Variants in MORN3 observed in about 807,000 individuals in gnomAD.
The protein encoded by MORN3 is MORN repeat containing 3, also known as MORN repeat-containing protein 3.
Under a neutral mutation model 34.7 loss-of-function variants are expected in MORN3, and 38 were observed. The observed-to-expected ratio is 1.10, with a 90% CI of 0.85 to 1.44. The LOEUF is 1.44. MORN3 is among the 40% of genes most tolerant of loss of function. The pLI, the probability that MORN3 is intolerant of heterozygous loss-of-function variation, is 0.00. For missense variants in MORN3, 311 were observed against 321.7 expected (o/e 0.97, Z 0.25); for synonymous variants, 109 against 115.3 (o/e 0.95, Z 0.35).
intron 4 of MORN3, 61 bp from the exon 5 acceptor site, chr12:121,652,869 GAC>G: frequency 6.4e-7 from 1 of 1,574,122 alleles, no homozygotes; most frequent in Middle Eastern, 1.8e-4. Context: ...TGCCAGCCTT[GAC>G]TGGCGCTGCC....
At chr12:121,668,465 C>T (rs982470360) in intron 1 of MORN3, among the ~76,000 whole-genome samples, 9 of 152,226 alleles carry the variant, frequency 5.9e-5, no homozygotes, top group South Asian at 2.1e-4. Context: ...CGCCTGAACT[C>T]GGGAGGTAGA....
chr12:121,652,103 T>C (rs1893269415), intron 5 of MORN3, among the ~76,000 whole-genome samples: 1 of 151,290 alleles, frequency 6.6e-6, no homozygotes, highest in South Asian at 2.1e-4. Flanking sequence ...GCCCAGCTAA[T>C]TTTTGTGTTT....
At chr12:121,662,824 T>A (rs182571668) in intron 1 of MORN3, among the ~76,000 whole-genome samples, 210 of 151,214 alleles carry the variant, frequency 1.4e-3, no homozygotes, top group African/African-American at 4.8e-3. Flanking sequence ...GCAGATCACC[T>A]GAGGTCAGGA....
intron 4 of MORN3, 29 bp downstream of exon 4, chr12:121,653,046 G>T (rs369697535): frequency 1.3e-6 from 2 of 1,573,692 alleles, no homozygotes; most frequent in Non-Finnish European, 1.7e-6. Flanking sequence ...TCTGGGTGTG[G>T]CCACAGGGCC....
chr12:121,654,330 A>ATGTCGCC lies in MORN3; in HGVS notation c.400_406dup (p.Ile136ArgfsTer52), dbSNP rs781852322. On this transcript the variant is annotated frameshift_variant, in exon 3 of 6. Transcript: ENST00000355329. LOFTEE classifies it high-confidence loss of function. ...GTCGTTCTCCCACTGTCCCTCGTAGATGTCGCCGTTGCTGTAATACATGCG... is the reference window on the plus strand; with the variant it reads ...GTCGTTCTCCCACTGTCCCTCGTAGATGTCGCCTGTCGCCGTTGCTGTAATACATGCG... 1 of 1,603,060 alleles carries ATGTCGCC rather than the reference A, an allele frequency of 6.2e-7. No individual in the cohort carries two copies. Among genetic ancestry groups the ATGTCGCC allele is most frequent in the South Asian group, 1.1e-5 (1 of 88,742 alleles).
intron 3 of MORN3, among the ~76,000 whole-genome samples, chr12:121,653,475 T>C (rs910666274): frequency 6.6e-6 from 1 of 151,430 alleles, no homozygotes; most frequent in Non-Finnish European, 1.5e-5. Flanking sequence ...CATAGTGGTG[T>C]GCACCTATAG....
chr12:121,666,487 G>A (rs1156854841), intron 1 of MORN3, among the ~76,000 whole-genome samples: 1 of 152,116 alleles, frequency 6.6e-6, no homozygotes, highest in Non-Finnish European at 1.5e-5. Flanking sequence ...CTGGGCGACA[G>A]AGCACAACTC....
At chr12:121,672,187 G>A (rs547809318), upstream of MORN3, among the ~76,000 whole-genome samples, 2 of 152,066 alleles carry the variant, frequency 1.3e-5, no homozygotes, top group South Asian at 4.2e-4. Flanking sequence ...CTGGCGGCAT[G>A]GGGGCTGCCG....
At chr12:121,659,540 CT>C (rs774070915) in intron 1 of MORN3, among the ~76,000 whole-genome samples, 192 bp from the exon 2 acceptor site, 207 of 135,566 alleles carry the variant, frequency 1.5e-3, no homozygotes, top group Middle Eastern at 3.6e-3. Context: ...TTCTTTCTTT[CT>C]TTTTTTTTTT....
At chr12:121,672,052 C>T (rs1351750043), upstream of MORN3, among the ~76,000 whole-genome samples, 1 of 152,166 alleles carries the variant, frequency 6.6e-6, no homozygotes, top group Non-Finnish European at 1.5e-5. Flanking sequence ...TAAAATCACC[C>T]TCCATCCCAC....
chr12:121,668,537 G>A (rs921065133), intron 1 of MORN3, among the ~76,000 whole-genome samples: 2 of 152,150 alleles, frequency 1.3e-5, no homozygotes, highest in East Asian at 1.9e-4. Context: ...GTGAAACTCC[G>A]TCTAAAAAAA....
intron 2 of MORN3, among the ~76,000 whole-genome samples, chr12:121,658,960 G>C (rs551198216): frequency 1.8e-4 from 27 of 152,110 alleles, no homozygotes; most frequent in African/African-American, 6.3e-4. Context: ...GCAGGGTTTC[G>C]TGGGCTCCTC....
intron 1 of MORN3, among the ~76,000 whole-genome samples, chr12:121,666,109 C>A (rs1268260825): frequency 6.6e-6 from 1 of 152,058 alleles, no homozygotes; most frequent in Non-Finnish European, 1.5e-5. Context: ...GTGGGCAGAT[C>A]ACTTGAGGTC....
At chr12:121,654,524 C>A in intron 2 of MORN3, 91 bp from the exon 3 acceptor site, 2 of 1,365,598 alleles carry the variant, frequency 1.5e-6, no homozygotes, top group African/African-American at 2.9e-5. Flanking sequence ...AGCCACACAC[C>A]CCAGCTTCTT....
intron 1 of MORN3, among the ~76,000 whole-genome samples, chr12:121,661,824 T>C (rs1380777761): frequency 6.6e-6 from 1 of 150,504 alleles, no homozygotes; most frequent in Non-Finnish European, 1.5e-5. Context: ...TGCAGTGAGC[T>C]GAGATGGCGC....
At chr12:121,659,060 ACCCTGTCC>A in intron 2 of MORN3, 123 bp downstream of exon 2, 4 of 1,256,876 alleles carry the variant, frequency 3.2e-6, no homozygotes, top group Non-Finnish European at 4.3e-6. Flanking sequence ...GAGCAGCACA[ACCCTGTCC>A]TCCTCCCTGT....
At chr12:121,658,906 G>A (rs1219579336) in intron 2 of MORN3, among the ~76,000 whole-genome samples, 2 of 152,136 alleles carry the variant, frequency 1.3e-5, no homozygotes, top group Non-Finnish European at 2.9e-5. Flanking sequence ...GGAAAAGGGT[G>A]GAGGCGACTT....
In MORN3 at chr12:121,650,094, A is replaced by AT. The variant is rs1893217518; in HGVS notation, c.*1556_*1557insA. 2 of 151,998 alleles carry AT rather than the reference A, an allele frequency of 1.3e-5. No individual in the cohort carries two copies. The highest frequency in any genetic ancestry group is 2.9e-5 in the Non-Finnish European group (2 of 68,002). The allele number at this position is 151,998 out of a possible 1,614,324, so 9.4% of individuals were successfully genotyped here. On this transcript the variant is annotated 3_prime_UTR_variant, in exon 6 of 6. Transcript: ENST00000355329. ...CACAGTAACTAACCACAGTAACCCCAGGTGGTAAGTACTGTTAATGCCCCA... is the reference window on the plus strand; with the variant it reads ...CACAGTAACTAACCACAGTAACCCCATGGTGGTAAGTACTGTTAATGCCCCA...
intron 2 of MORN3, among the ~76,000 whole-genome samples, chr12:121,655,048 C>A (rs1236094703): frequency 6.6e-6 from 1 of 152,038 alleles, no homozygotes; most frequent in Non-Finnish European, 1.5e-5. Context: ...CCTACAGCGC[C>A]GGAGGACTCT....
Sources: gnomAD v4.1 joint callset for allele counts (sites outside exome capture counted in the v4.1 genomes callset) on GRCh38, gnomAD v4.1.1 for gene constraint, MANE v1.5 for transcripts, NCBI Gene and HGNC (gene_info 2026-07-23, HGNC 2026-07-21) for gene names.